SLC8A3: variants seen among roughly 807,000 people sequenced by gnomAD.
SLC8A3 encodes sodium/calcium exchanger 3.
A neutral mutation model predicts 65.4 loss-of-function variants in SLC8A3; 37 were observed. That is an observed-to-expected ratio of 0.57 (90% CI 0.44 to 0.74). The LOEUF (loss-of-function observed/expected upper bound fraction) is 0.74. Ranked by LOEUF, SLC8A3 falls within the 30% of genes least tolerant of loss-of-function variation. The pLI, the probability that SLC8A3 is intolerant of heterozygous loss-of-function variation, is 0.00. For synonymous variants in SLC8A3, 461 were observed against 444.5 expected (o/e 1.04, Z -0.47); for missense variants, 1,112 against 1,172.1 (o/e 0.95, Z 0.75).
intron 1 of SLC8A3, among the ~76,000 whole-genome samples, chr14:70,182,292 C>G (rs866007487): frequency 2.0e-5 from 3 of 152,092 alleles, no homozygotes; most frequent in African/African-American, 7.2e-5. Flanking sequence ...ACTGTGCACA[C>G]GGCTGGAAAC....
chr14:70,100,088 T>C (rs1217135788), intron 2 of SLC8A3, among the ~76,000 whole-genome samples: 1 of 152,232 alleles, frequency 6.6e-6, no homozygotes, highest in Non-Finnish European at 1.5e-5. Context: ...TGTTCTCCTC[T>C]TCATCTTTTA....
intron 2 of SLC8A3, among the ~76,000 whole-genome samples, chr14:70,069,897 G>A (rs1889850829): frequency 6.6e-6 from 1 of 152,106 alleles, no homozygotes; most frequent in African/African-American, 2.4e-5. Context: ...TCTGGGGTGG[G>A]GCCTGAGAGC....
At chr14:70,060,676 A>G (rs372045210) in intron 3 of SLC8A3, 160 bp downstream of exon 3, 10 of 754,172 alleles carry the variant, frequency 1.3e-5, no homozygotes, top group Admixed American at 1.0e-4. Flanking sequence ...AGGAGGGAAA[A>G]GAATAAAAAA....
intron 2 of SLC8A3, among the ~76,000 whole-genome samples, chr14:70,125,041 G>A (rs761568931): frequency 3.9e-5 from 6 of 152,122 alleles, no homozygotes; most frequent in Non-Finnish European, 7.3e-5. Flanking sequence ...ACAGTGCCTT[G>A]CACACAGGAG....
Position 70,144,323 on chromosome 14 carries a change from T to G in SLC8A3, c.1784+22316A>C, listed in dbSNP as rs1594754133. 2.1e-5 allele frequency among the ~76,000 whole-genome samples: 3 copies of G among 143,308 alleles called. No homozygotes were observed. In the East Asian group the frequency reaches 6.2e-4, roughly 30 times the overall value. 94.0% of individuals were successfully genotyped at this position (143,308 alleles called of 152,430 possible). ...AAAACTTCCTGTTTTTTTTTTTTTTTTTTTTTTTAAAAAAAAAAAAAAAAA... is the reference window on the plus strand; with the variant it reads ...AAAACTTCCTGTTTTTTTTTTTTTTGTTTTTTTTAAAAAAAAAAAAAAAAA... On this transcript the variant is annotated intron_variant, in intron 2 of 6. Coordinates refer to ENST00000356921, the MANE Select transcript of SLC8A3 (RefSeq NM_182932.3).
chr14:70,051,003 C>G lies in SLC8A3; in HGVS notation c.2113+5G>C. 1 of 1,596,678 alleles carries G rather than the reference C, an allele frequency of 6.3e-7. No individual in the cohort carries two copies. The highest frequency in any genetic ancestry group is 2.2e-5 in the East Asian group (1 of 44,768). On this transcript the variant is annotated splice_donor_5th_base_variant and intron_variant, in intron 5 of 6. Coordinates refer to ENST00000356921, the MANE Select transcript of SLC8A3 (RefSeq NM_182932.3). ...CCAGCAAGGCCAGCCTGAGACACTTCTCACCTGCACTGACGGTGATGGCCT... is the reference window on the plus strand; with the variant it reads ...CCAGCAAGGCCAGCCTGAGACACTTGTCACCTGCACTGACGGTGATGGCCT...
chr14:70,135,786 T>C (rs1043654581), intron 2 of SLC8A3, among the ~76,000 whole-genome samples: 7 of 152,144 alleles, frequency 4.6e-5, no homozygotes, highest in African/African-American at 1.7e-4. Context: ...AGTTGGTTAA[T>C]GGGTGCAAAA....
At chr14:70,057,817 G>T (rs1888335852) in intron 3 of SLC8A3, among the ~76,000 whole-genome samples, 1 of 152,186 alleles carries the variant, frequency 6.6e-6, no homozygotes, top group South Asian at 2.1e-4. Flanking sequence ...TAATTAGGAA[G>T]CATCTGGGCA....
At chr14:70,055,683 G>T (rs1249651544) in intron 3 of SLC8A3, 1 of 830,792 alleles carries the variant, frequency 1.2e-6, no homozygotes, top group Non-Finnish European at 1.9e-6. Flanking sequence ...GAAATTGTCA[G>T]GTTAACTTGA....
intron 3 of SLC8A3, among the ~76,000 whole-genome samples, chr14:70,053,629 C>G (rs1887741424): frequency 6.6e-6 from 1 of 152,204 alleles, no homozygotes; most frequent in Non-Finnish European, 1.5e-5. Context: ...ACCTGTCTAA[C>G]CCCTTGTCTA....
intron 3 of SLC8A3, among the ~76,000 whole-genome samples, chr14:70,055,078 G>A (rs1395616766): frequency 6.6e-6 from 1 of 152,066 alleles, no homozygotes; most frequent in Non-Finnish European, 1.5e-5. Context: ...ACTCATGCAA[G>A]CATACTCTCA....
At chr14:70,069,648 C>T (rs553137924) in intron 2 of SLC8A3, among the ~76,000 whole-genome samples, 4 of 152,230 alleles carry the variant, frequency 2.6e-5, no homozygotes, top group African/African-American at 9.6e-5. Context: ...GCTCTTTGAA[C>T]GTGGACTGAA....
intron 2 of SLC8A3, among the ~76,000 whole-genome samples, chr14:70,105,173 C>T (rs1892780976): frequency 6.6e-6 from 1 of 151,800 alleles, no homozygotes; most frequent in Non-Finnish European, 1.5e-5. Flanking sequence ...ACTAAAAATA[C>T]AAAAAATTAG....
At chr14:70,085,389 G>T (rs1045519709) in intron 2 of SLC8A3, among the ~76,000 whole-genome samples, 8 of 152,042 alleles carry the variant, frequency 5.3e-5, no homozygotes, top group Non-Finnish European at 1.0e-4. Flanking sequence ...GACTGTACTG[G>T]TATTGCCATG....
chr14:70,156,989 T>C (rs982301657), intron 2 of SLC8A3, among the ~76,000 whole-genome samples: 2 of 152,166 alleles, frequency 1.3e-5, no homozygotes, highest in African/African-American at 4.8e-5. Flanking sequence ...TGGGAAGAAA[T>C]GACCCTGGTA....
rs978820488 is a variant in SLC8A3 at position 70,129,803 on chromosome 14, G to A, written c.1784+36836C>T. Among the ~76,000 whole-genome samples, 3 of 152,170 alleles carry A rather than the reference G, an allele frequency of 2.0e-5. No homozygotes were observed. In the South Asian group the frequency reaches 6.2e-4, roughly 32 times the overall value. ...AGTCTTCAAGAGGCAGAGAAAGGAG[G>A]GCATGTGCTTTCTGTGAAACTAAAC... On this transcript the variant is annotated intron_variant, in intron 2 of 6. Transcript: ENST00000356921.
intron 2 of SLC8A3, among the ~76,000 whole-genome samples, chr14:70,156,247 A>C (rs1045839227): frequency 6.6e-6 from 1 of 152,244 alleles, no homozygotes; most frequent in Non-Finnish European, 1.5e-5. Context: ...TCCAGGGAAT[A>C]GAAAAAGCTT....
intron 2 of SLC8A3, among the ~76,000 whole-genome samples, chr14:70,069,948 G>T (rs1889858161): frequency 1.3e-5 from 2 of 152,246 alleles, no homozygotes; most frequent in African/African-American, 4.8e-5. Context: ...GGATGCTACT[G>T]GTCCATGGCC....
At chr14:70,086,601 G>C (rs140484003) in intron 2 of SLC8A3, among the ~76,000 whole-genome samples, 1 of 151,716 alleles carries the variant, frequency 6.6e-6, no homozygotes, top group Non-Finnish European at 1.5e-5. Context: ...ACGGAGTTTC[G>C]CCATGTTGGC....
Sources: gnomAD v4.1 joint callset for allele counts (sites outside exome capture counted in the v4.1 genomes callset) on GRCh38, gnomAD v4.1.1 for gene constraint, MANE v1.5 for transcripts, NCBI Gene and HGNC (gene_info 2026-07-23, HGNC 2026-07-21) for gene names.